Variants in MADD observed in about 807,000 individuals in gnomAD.
MADD encodes MAP kinase-activating death domain protein.
A neutral mutation model predicts 176.7 loss-of-function variants in MADD; 109 were observed. The ratio of observed to expected loss-of-function variants is 0.62; its 90% CI spans 0.53 to 0.72. The LOEUF (loss-of-function observed/expected upper bound fraction) is 0.72, where lower values mean the gene tolerates loss of function less well. Among genes scored for constraint, MADD ranks in the 30% least tolerant of loss-of-function variants. The pLI is 0.00. For synonymous variants in MADD, 771 were observed against 771.3 expected (o/e 1.00, Z 0.01); for missense variants, 1,914 against 2,045.5 (o/e 0.94, Z 1.24).
intron 19 of MADD, among the ~76,000 whole-genome samples, chr11:47,291,099 C>T (rs2064822834): frequency 6.6e-6 from 1 of 152,144 alleles, no homozygotes; most frequent in Non-Finnish European, 1.5e-5. Flanking sequence ...CTCCTGGCCC[C>T]TCCTTTTATT....
intron 26 of MADD, among the ~76,000 whole-genome samples, chr11:47,312,277 C>T (rs1045905593): frequency 3.2e-4 from 48 of 152,288 alleles, no homozygotes; most frequent in Admixed American, 7.8e-4. Flanking sequence ...GAGACTGACT[C>T]TCACTCTGTC....
Position 47,295,476 on chromosome 11 carries a change from G to A in MADD, c.3403-20G>A. The A allele has an allele frequency of 6.2e-7, 1 of 1,602,676 alleles. No homozygotes were observed. Among genetic ancestry groups the A allele is most frequent in the Non-Finnish European group, 8.5e-7 (1 of 1,169,724 alleles). On this transcript the variant is annotated intron_variant, in intron 20 of 32. Transcript: ENST00000402192. ...GAGGAGATTGGACACCTCCCCTAATGTTCCTGTGTCTTGTTTCAGAGGACT... is the reference window on the plus strand; with the variant it reads ...GAGGAGATTGGACACCTCCCCTAATATTCCTGTGTCTTGTTTCAGAGGACT...
chr11:47,328,704 G>C, exon 32 of MADD: 1 of 1,614,198 alleles, frequency 6.2e-7, no homozygotes, highest in South Asian at 1.1e-5. Flanking sequence ...AGACACCAAT[G>C]GTGAGTGTGC....
chr11:47,324,383 C>T (rs1272930077), intron 29 of MADD, 46 bp downstream of exon 32: 17 of 1,608,200 alleles, frequency 1.1e-5, no homozygotes, highest in Non-Finnish European at 1.4e-5. Context: ...TTCTACCAGT[C>T]CTTCTGAGTG....
chr11:47,283,055 A>G (rs1324231507), intron 10 of MADD, 86 bp downstream of exon 10: 6 of 1,210,596 alleles, frequency 5.0e-6, no homozygotes, highest in African/African-American at 1.5e-5. Flanking sequence ...GCAAAGTCTC[A>G]TAGGCTTCCC....
In MADD at chr11:47,278,290, G is replaced by C; in HGVS notation, c.1209+12G>C. The stretch of plus-strand genomic sequence containing the variant: ...TGGACAGCAATAGGGTGAGGTTCTT[G>C]GCTGAGGCATTGTAGAGTCTAGAGG... On this transcript the variant is annotated intron_variant, in intron 6 of 32. Coordinates refer to ENST00000402192, the Ensembl canonical transcript of MADD. 6.3e-7 allele frequency: 1 copy of C among 1,582,718 alleles called. No individual in the cohort carries two copies. Among genetic ancestry groups the C allele is most frequent in the South Asian group, 1.1e-5 (1 of 90,410 alleles).
chr11:47,309,306 C>A (rs758127268), exon 24 of MADD: 2 of 1,614,148 alleles, frequency 1.2e-6, no homozygotes, highest in Non-Finnish European at 1.7e-6. Context: ...CTTTATGGGA[C>A]CAAATGCAAT....
At chr11:47,290,017 A>G in exon 17 of MADD, 3 of 1,614,214 alleles carry the variant, frequency 1.9e-6, no homozygotes, top group Non-Finnish European at 2.5e-6. Context: ...TGGTGCAGTC[A>G]GAGGACGATG....
Position 47,325,574 on chromosome 11 carries a change from G to A in MADD, c.4542+997G>A, listed in dbSNP as rs1029888114. Among the ~76,000 whole-genome samples, 7 of 152,232 alleles carry A rather than the reference G, an allele frequency of 4.6e-5. No homozygotes were observed. Among genetic ancestry groups the A allele is most frequent in the Non-Finnish European group, 8.8e-5 (6 of 68,040 alleles). On this transcript the variant is annotated intron_variant, in intron 30 of 32. Coordinates refer to ENST00000402192, the Ensembl canonical transcript of MADD. The surrounding 1 kb of genome is among the most constrained non-coding windows in gnomAD (Gnocchi z 4.5). ...AGCTTTGGTTTAACAGGAAATGGCT[G>A]CGCAGGCTGCCAGCAGCCCCTTAGT... is the stretch of plus-strand genomic sequence containing the variant.
chr11:47,312,824 T>C (rs1190669647), intron 26 of MADD, among the ~76,000 whole-genome samples: 2 of 152,230 alleles, frequency 1.3e-5, no homozygotes, highest in African/African-American at 4.8e-5. Flanking sequence ...GATTGATTAA[T>C]TATAAATGTT....
chr11:47,308,128 T>C (rs2084604459), intron 22 of MADD, among the ~76,000 whole-genome samples: 1 of 152,250 alleles, frequency 6.6e-6, no homozygotes, highest in South Asian at 2.1e-4. Flanking sequence ...TATCTTCAAA[T>C]TTAATTCTTG....
At chr11:47,282,699 G>A in intron 9 of MADD, 83 bp downstream of exon 9, 1 of 1,588,448 alleles carries the variant, frequency 6.3e-7, no homozygotes, top group Non-Finnish European at 8.6e-7. Context: ...GCTAATGTTT[G>A]ACCTGTGCCT....
chr11:47,308,232 C>T (rs1835303401), intron 22 of MADD, among the ~76,000 whole-genome samples: 1 of 152,240 alleles, frequency 6.6e-6, no homozygotes. Context: ...TAAGGTCACA[C>T]AGCTAATAAG....
At chr11:47,309,283 A>G in exon 24 of MADD, 2 of 1,614,144 alleles carry the variant, frequency 1.2e-6, no homozygotes, top group Non-Finnish European at 1.7e-6. Context: ...CTATGCAGGC[A>G]AAGAGCGTTC....
intron 1 of MADD, chr11:47,270,860 C>T (rs79093948): frequency 0.034 from 5,109 of 152,432 alleles, 119 homozygotes; most frequent in South Asian, 0.12. Context: ...CCAGTCTGTG[C>T]TGATGAGCTT....
chr11:47,300,651 C>A lies in MADD; in HGVS notation c.3642+4596C>A, dbSNP rs7116110. On this transcript the variant is annotated intron_variant, in intron 22 of 32. Coordinates refer to ENST00000402192, the Ensembl canonical transcript of MADD. ...TAGCTGGGATTACAGGTATTCACCACCATGCCTGGCTAATTTTTGTATTTT... is the reference window on the plus strand; with the variant it reads ...TAGCTGGGATTACAGGTATTCACCAACATGCCTGGCTAATTTTTGTATTTT... Among the ~76,000 whole-genome samples, 1,220 of 152,158 alleles carry A rather than the reference C, an allele frequency of 8.0e-3. 12 individuals are homozygous for A. Among genetic ancestry groups the A allele is most frequent in the African/African-American group, 0.028 (1,172 of 41,510 alleles).
intron 22 of MADD, among the ~76,000 whole-genome samples, chr11:47,296,761 GTTGTTTTTTTTT>G (rs2072478600): frequency 8.6e-6 from 1 of 116,106 alleles, no homozygotes; most frequent in South Asian, 2.9e-4. Context: ...TCTGTTTTTT[GTTGTTTTTTTTT>G]TTTTTTTTTT....
At chr11:47,284,855 G>C in intron 12 of MADD, 86 bp from the exon 13 acceptor site, 1 of 1,554,628 alleles carries the variant, frequency 6.4e-7, no homozygotes, top group South Asian at 1.2e-5. Context: ...AAATCTGACA[G>C]GCCTGGTCCA....
At chr11:47,317,862 C>T (rs894025681) in intron 27 of MADD, among the ~76,000 whole-genome samples, 6 of 151,926 alleles carry the variant, frequency 3.9e-5, no homozygotes, top group South Asian at 4.1e-4. Context: ...CTATACCTCC[C>T]GGGTTCAAGC....
Sources: gnomAD v4.1 joint callset for allele counts (sites outside exome capture counted in the v4.1 genomes callset) on GRCh38, gnomAD v4.1.1 for gene constraint, Gnocchi (gnomAD v3.1) non-coding constraint, MANE v1.5 for transcripts, NCBI Gene and HGNC (gene_info 2026-07-23, HGNC 2026-07-21) for gene names.